Variants in CRY1 observed in about 807,000 individuals in gnomAD.
CRY1 encodes cryptochrome-1.
Under a neutral mutation model 76.0 loss-of-function variants are expected in CRY1, and 45 were observed. That is an observed-to-expected ratio of 0.59 (90% CI 0.47 to 0.76). CRY1 has a LOEUF of 0.76. Among genes scored for constraint, CRY1 ranks in the 30% least tolerant of loss-of-function variants. The pLI, the probability that CRY1 is intolerant of heterozygous loss-of-function variation, is 0.00. For missense variants in CRY1, 587 were observed against 716.4 expected (o/e 0.82, Z 2.06); for synonymous variants, 248 against 244.0 (o/e 1.02, Z -0.15).
At chr12:107,008,824 A>G (rs369802382) in intron 2 of CRY1, among the ~76,000 whole-genome samples, 12 of 152,262 alleles carry the variant, frequency 7.9e-5, no homozygotes, top group African/African-American at 2.9e-4. Flanking sequence ...AATAAGTCTC[A>G]CAAGGTCTGA....
intron 1 of CRY1, among the ~76,000 whole-genome samples, chr12:107,053,924 C>A (rs1952952535): frequency 6.6e-6 from 1 of 152,192 alleles, no homozygotes; most frequent in Non-Finnish European, 1.5e-5. Flanking sequence ...GAGAAAATCA[C>A]TGTCAACCTA....
rs181349251 is a variant in CRY1, at chr12:107,076,081, C to A, written c.158+16723G>T. Among the ~76,000 whole-genome samples, 84 of 151,540 alleles carry A rather than the reference C, an allele frequency of 5.5e-4. 2 individuals are homozygous for A. The East Asian group carries it at 0.015, about 27-fold the overall frequency. ...GCAAATCTGGAATTCAAGATAGAGGCCAGTGCAGGTAATACACGATAGGAA... is the reference window on the plus strand; with the variant it reads ...GCAAATCTGGAATTCAAGATAGAGGACAGTGCAGGTAATACACGATAGGAA... On this transcript the variant is annotated intron_variant, in intron 1 of 12. Transcript: ENST00000008527.
chr12:107,077,618 T>C (rs994616475), intron 1 of CRY1, among the ~76,000 whole-genome samples: 4 of 152,236 alleles, frequency 2.6e-5, no homozygotes, highest in Non-Finnish European at 5.9e-5. Flanking sequence ...GTGAATACAC[T>C]ATGCTCAGTC....
At chr12:107,085,268 A>G (rs1408865530) in intron 1 of CRY1, among the ~76,000 whole-genome samples, 2 of 152,218 alleles carry the variant, frequency 1.3e-5, no homozygotes, top group African/African-American at 4.8e-5. Context: ...TTCCTCAAGG[A>G]TCTACAAACA....
rs901158051 is a variant in CRY1, at chr12:107,006,847, T to C, written c.268-1599A>G. Among the ~76,000 whole-genome samples, 4 of 152,112 alleles carry C rather than the reference T, an allele frequency of 2.6e-5. No individual in the cohort carries two copies. In the East Asian group the frequency reaches 7.7e-4, roughly 29 times the overall value. On this transcript the variant is annotated intron_variant, in intron 2 of 12. Coordinates refer to ENST00000008527, the MANE Select transcript of CRY1 (RefSeq NM_004075.5). Reference sequence around the variant, plus strand: ...TTGTATTTTCAGTAGAGAAGGCATTTTGCCATTTTGGCCAGGCTGGTCTCA... The same window carrying C: ...TTGTATTTTCAGTAGAGAAGGCATTCTGCCATTTTGGCCAGGCTGGTCTCA...
chr12:106,999,917 A>T (rs1952284087), intron 6 of CRY1, 25 bp downstream of exon 6: 1 of 1,591,920 alleles, frequency 6.3e-7, no homozygotes, highest in Non-Finnish European at 8.5e-7. Flanking sequence ...AGTATTAAAC[A>T]ATAAGCTCTA....
At chr12:107,090,026 A>G (rs779958439) in intron 1 of CRY1, among the ~76,000 whole-genome samples, 2 of 152,130 alleles carry the variant, frequency 1.3e-5, no homozygotes, top group Non-Finnish European at 2.9e-5. Context: ...CTCTTGACCT[A>G]TCGGTAGCAT....
chr12:107,038,842 C>T (rs958161457), intron 1 of CRY1, among the ~76,000 whole-genome samples: 2 of 152,206 alleles, frequency 1.3e-5, no homozygotes, highest in Admixed American at 6.5e-5. Flanking sequence ...ATCAAAATCT[C>T]CACTCTTGGC....
intron 2 of CRY1, among the ~76,000 whole-genome samples, chr12:107,011,607 G>GGCCCTA (rs1474955159): frequency 6.6e-6 from 1 of 152,154 alleles, no homozygotes; most frequent in Admixed American, 6.5e-5. Context: ...TCCAGAGAGA[G>GGCCCTA]GCCCTAACAC....
chr12:107,003,803 C>A (rs1367571803), intron 3 of CRY1, among the ~76,000 whole-genome samples: 5 of 147,224 alleles, frequency 3.4e-5, no homozygotes, highest in African/African-American at 5.2e-5. Context: ...CCAATAAACA[C>A]TTGATTTTTT....
intron 1 of CRY1, among the ~76,000 whole-genome samples, chr12:107,029,664 T>G (rs1952655389): frequency 6.6e-6 from 1 of 151,822 alleles, no homozygotes; most frequent in African/African-American, 2.4e-5. Flanking sequence ...TCTACAAAAT[T>G]TCTAAAATGT....
intron 1 of CRY1, among the ~76,000 whole-genome samples, chr12:107,027,316 T>C (rs955421420): frequency 1.3e-5 from 2 of 152,132 alleles, no homozygotes; most frequent in Non-Finnish European, 2.9e-5. Flanking sequence ...CCACTGAAAA[T>C]ACATATGATA....
intron 1 of CRY1, among the ~76,000 whole-genome samples, chr12:107,085,660 G>A (rs1419357976): frequency 6.6e-6 from 1 of 152,134 alleles, no homozygotes; most frequent in Non-Finnish European, 1.5e-5. Context: ...GGGCCTGCCA[G>A]GGGTTGAGGG....
At chr12:107,070,983 C>T (rs919802496) in intron 1 of CRY1, among the ~76,000 whole-genome samples, 2 of 151,680 alleles carry the variant, frequency 1.3e-5, no homozygotes, top group African/African-American at 2.4e-5. Flanking sequence ...GGATTACAGG[C>T]GTGAGCCACA....
intron 1 of CRY1, among the ~76,000 whole-genome samples, chr12:107,031,790 G>A (rs1952678120): frequency 6.6e-6 from 1 of 152,074 alleles, no homozygotes. Flanking sequence ...AATAGAGAAA[G>A]CCTAAGAAAC....
chr12:107,062,044 AG>A (rs146981783), intron 1 of CRY1, among the ~76,000 whole-genome samples: 22 of 137,460 alleles, frequency 1.6e-4, no homozygotes, highest in African/African-American at 4.3e-4. Flanking sequence ...AAAAAAAAAA[AG>A]AAAAAAAGAA....
chr12:107,091,998 A>G (rs1166584430), intron 1 of CRY1, among the ~76,000 whole-genome samples: 1 of 151,924 alleles, frequency 6.6e-6, no homozygotes, highest in African/African-American at 2.4e-5. Context: ...AATACTACAT[A>G]TTTTACTTTC....
At chr12:107,081,503 T>A (rs1221900373) in intron 1 of CRY1, among the ~76,000 whole-genome samples, 2 of 152,038 alleles carry the variant, frequency 1.3e-5, no homozygotes, top group Non-Finnish European at 2.9e-5. Flanking sequence ...CACCACCTGA[T>A]ACATTATTTT....
At chr12:107,086,167 A>G (rs1953398599) in intron 1 of CRY1, among the ~76,000 whole-genome samples, 2 of 152,210 alleles carry the variant, frequency 1.3e-5, no homozygotes, top group Admixed American at 1.3e-4. Context: ...TTTCTAAACA[A>G]CAAAGCGTTC....
Sources: gnomAD v4.1 joint callset for allele counts (sites outside exome capture counted in the v4.1 genomes callset) on GRCh38, gnomAD v4.1.1 for gene constraint, MANE v1.5 for transcripts, NCBI Gene and HGNC (gene_info 2026-07-23, HGNC 2026-07-21) for gene names.